Variants in ZNF708 observed in about 807,000 individuals in gnomAD.
The protein encoded by ZNF708 is ZNF15, ZNF15L1.
A neutral mutation model predicts 47.0 loss-of-function variants in ZNF708; 44 were observed. That is an observed-to-expected ratio of 0.94 (90% CI 0.74 to 1.20). The LOEUF (loss-of-function observed/expected upper bound fraction) is 1.20. Among genes scored for constraint, ZNF708 ranks in the 50% most tolerant of loss-of-function variants. The pLI is 0.00. For synonymous variants in ZNF708, 184 were observed against 218.5 expected, an observed-to-expected ratio of 0.84 and a Z score of 1.39; for missense variants, 557 against 656.0, an observed-to-expected ratio of 0.85 and a Z score of 1.65.
intron 3 of ZNF708, among the ~76,000 whole-genome samples, chr19:21,304,414 T>A (rs1414750732): frequency 6.6e-6 from 1 of 152,134 alleles, no homozygotes; most frequent in Non-Finnish European, 1.5e-5. Flanking sequence ...AGGAGGATTA[T>A]ATTGCAGCAT....
intron 3 of ZNF708, among the ~76,000 whole-genome samples, chr19:21,304,404 A>G (rs1039519055): frequency 6.6e-6 from 1 of 152,238 alleles, no homozygotes; most frequent in Non-Finnish European, 1.5e-5. Context: ...CACATCAAAC[A>G]GGAGGATTAT....
At chr19:21,296,993 C>T (rs909983668) in intron 3 of ZNF708, among the ~76,000 whole-genome samples, 7 of 150,960 alleles carry the variant, frequency 4.6e-5, no homozygotes, top group East Asian at 2.0e-4. Flanking sequence ...ATTAGCTGGG[C>T]GTGGTGGTGG....
intron 3 of ZNF708, among the ~76,000 whole-genome samples, chr19:21,308,767 A>G (rs1219275985): frequency 6.6e-6 from 1 of 152,220 alleles, no homozygotes; most frequent in Non-Finnish European, 1.5e-5. Context: ...GAACAAAGTG[A>G]ACATCATACT....
chr19:21,296,322 G>A (rs1055089207), intron 3 of ZNF708, among the ~76,000 whole-genome samples: 10 of 152,026 alleles, frequency 6.6e-5, no homozygotes, highest in Non-Finnish European at 1.5e-4. Flanking sequence ...CTAACATGGT[G>A]AAACCCCGTT....
intron 3 of ZNF708, among the ~76,000 whole-genome samples, chr19:21,296,795 A>T (rs1213609407): frequency 6.6e-6 from 1 of 151,988 alleles, no homozygotes; most frequent in Admixed American, 6.6e-5. Context: ...TAAAAGATAA[A>T]AGCATAGAAA....
Position 21,329,380 on chromosome 19 carries a change from C to T in ZNF708, c.-168G>A, listed in dbSNP as rs1188778088. The T allele has an allele frequency of 2.9e-6, 3 of 1,045,954 alleles. No homozygotes were observed. The highest frequency in any genetic ancestry group is 2.1e-5 in the Admixed American group (1 of 48,698). 64.8% of individuals were successfully genotyped at this position (1,045,954 alleles called of 1,614,324 possible). A position where few individuals can be genotyped will look rare whatever the true frequency, so the allele number is the denominator to read the frequency against. On this transcript the variant is annotated 5_prime_UTR_variant, in exon 1 of 4. Coordinates refer to ENST00000356929, the MANE Select transcript of ZNF708 (RefSeq NM_021269.3). Reference sequence around the variant, plus strand: ...CAAAGGCCGCGCCAAACCCGGAAGCCGCCCTGTCCGGTCCAGCTGCGTGTC... The same window carrying T: ...CAAAGGCCGCGCCAAACCCGGAAGCTGCCCTGTCCGGTCCAGCTGCGTGTC...
At chr19:21,295,929 T>C (rs145873081) in intron 3 of ZNF708, among the ~76,000 whole-genome samples, 33 of 152,070 alleles carry the variant, frequency 2.2e-4, no homozygotes, top group African/African-American at 7.2e-4. Flanking sequence ...TACTACACAG[T>C]GAATGAAACA....
rs1439481974 is a variant in ZNF708 at position 21,292,670 on chromosome 19, AT to A, written c.*603del. ...CAAAATAAATACTTTAAAAGCTTAT[AT>A]TTTCTGAAATACTTTTTGACAGTAA... On this transcript the variant is annotated 3_prime_UTR_variant, in exon 4 of 4. Transcript: ENST00000356929. 1 of 152,552 alleles carries A rather than the reference AT, an allele frequency of 6.6e-6. No individual in the cohort carries two copies. The highest frequency in any genetic ancestry group is 1.5e-5 in the Non-Finnish European group (1 of 68,384). 9.4% of individuals were successfully genotyped at this position (152,552 alleles called of 1,614,324 possible). A position where few individuals can be genotyped will look rare whatever the true frequency, so the allele number is the denominator to read the frequency against.
At chr19:21,317,097 C>T (rs1233782151) in intron 1 of ZNF708, among the ~76,000 whole-genome samples, 1 of 147,276 alleles carries the variant, frequency 6.8e-6, no homozygotes, top group African/African-American at 2.5e-5. Context: ...TTTGGTGAAA[C>T]CCCATCTCTA....
At chr19:21,328,425 G>C (rs1973306851) in intron 1 of ZNF708, among the ~76,000 whole-genome samples, 1 of 152,168 alleles carries the variant, frequency 6.6e-6, no homozygotes, top group Admixed American at 6.6e-5. Flanking sequence ...TAGAAATTTA[G>C]TATTTTAGTT....
In ZNF708 at chr19:21,291,885, A is replaced by C. The variant is rs1420844432; in HGVS notation, c.*1389T>G. Reference sequence around the variant, plus strand: ...GTCTCAAGGAAAACAAACAAACAAAAAAAGTATACTTTGAATGTAATTACA... The same window carrying C: ...GTCTCAAGGAAAACAAACAAACAAACAAAGTATACTTTGAATGTAATTACA... On this transcript the variant is annotated 3_prime_UTR_variant, in exon 4 of 4. Coordinates refer to ENST00000356929, the MANE Select transcript of ZNF708 (RefSeq NM_021269.3). 2.6e-5 allele frequency: 4 copies of C among 152,064 alleles called. No homozygotes were observed. Among genetic ancestry groups the C allele is most frequent in the East Asian group, 3.9e-4 (2 of 5,176 alleles). 9.4% of individuals were successfully genotyped at this position (152,064 alleles called of 1,614,324 possible).
Position 21,293,139 on chromosome 19 carries a change from A to G in ZNF708, c.*135T>C. On this transcript the variant is annotated 3_prime_UTR_variant, in exon 4 of 4. Transcript: ENST00000356929. ...TTTGTAGGGTTTCTCTCTAGTATGA[A>G]TTATCTTTTGTTTCATAAGGATTAA... is the stretch of plus-strand genomic sequence containing the variant. 2.7e-6 allele frequency: 3 copies of G among 1,125,404 alleles called. No individual in the cohort carries two copies. Among genetic ancestry groups the G allele is most frequent in the Non-Finnish European group, 3.9e-6 (3 of 770,854 alleles). The allele number at this position is 1,125,404 out of a possible 1,614,324, so 69.7% of individuals were successfully genotyped here. A position where few individuals can be genotyped will look rare whatever the true frequency, so the allele number is the denominator to read the frequency against.
chr19:21,318,932 C>A (rs1678826), intron 1 of ZNF708, among the ~76,000 whole-genome samples: 2,611 of 152,140 alleles, frequency 0.017, 87 homozygotes, highest in African/African-American at 0.056. Flanking sequence ...ATGTCAGACA[C>A]ATATCTACTG....
At chr19:21,307,158 T>A (rs28472402) in intron 3 of ZNF708, among the ~76,000 whole-genome samples, 52,931 of 113,502 alleles carry the variant, frequency 0.47, 9,962 homozygotes, top group Middle Eastern at 0.59. Context: ...TAAAATATAA[T>A]ATAAAATAAA....
chr19:21,328,710 C>T (rs1006973191), intron 1 of ZNF708, among the ~76,000 whole-genome samples: 1 of 152,240 alleles, frequency 6.6e-6, no homozygotes, highest in Admixed American at 6.5e-5. Context: ...TTCCTTCAAG[C>T]TCCTCCCATG....
At chr19:21,314,703 C>T (rs139102914) in intron 1 of ZNF708, among the ~76,000 whole-genome samples, 6 of 152,262 alleles carry the variant, frequency 3.9e-5, no homozygotes, top group Admixed American at 3.9e-4. Flanking sequence ...CTTGTTTTTA[C>T]CCAAGTACCA....
intron 1 of ZNF708, among the ~76,000 whole-genome samples, chr19:21,323,424 GAAAC>G (rs1973193232): frequency 6.6e-6 from 1 of 152,164 alleles, no homozygotes. Flanking sequence ...ACTTCAGTGT[GAAAC>G]ATTCTCTGAT....
intron 1 of ZNF708, among the ~76,000 whole-genome samples, chr19:21,322,970 C>G (rs1410925803): frequency 1.3e-5 from 2 of 151,952 alleles, no homozygotes; most frequent in South Asian, 4.1e-4. Context: ...TAACCTTTTT[C>G]AAGTTCAATA....
intron 3 of ZNF708, among the ~76,000 whole-genome samples, chr19:21,307,197 G>A (rs1972801145): frequency 6.7e-6 from 1 of 148,484 alleles, no homozygotes; most frequent in African/African-American, 2.5e-5. Context: ...AAATACAATA[G>A]GAATTACAAC....
Sources: allele counts gnomAD v4.1 joint callset (sites outside exome capture counted in the v4.1 genomes callset), GRCh38; gene constraint gnomAD v4.1.1; transcripts MANE v1.5; gene names NCBI Gene and HGNC (gene_info 2026-07-23, HGNC 2026-07-21).